The following CASZ1 variants were observed in gnomAD, a reference collection of about 807,000 sequenced individuals.
The protein encoded by CASZ1 is zinc finger protein castor homolog 1.
A neutral mutation model predicts 135.2 loss-of-function variants in CASZ1; 28 were observed. The observed-to-expected ratio is 0.21, with a 90% confidence interval of 0.15 to 0.28. The LOEUF is 0.28. CASZ1 is among the 10% of genes least tolerant of loss of function. The probability of loss-of-function intolerance (pLI) is 1.00; values close to 1 mark genes in which losing one functional copy is unlikely to be tolerated. For missense variants in CASZ1, 2,161 were observed against 2,453.3 expected (o/e 0.88, Z 2.52); for synonymous variants, 1,068 against 1,073.4 (o/e 0.99, Z 0.10).
chr1:10,674,497 A>G (rs1643500957), intron 4 of CASZ1, among the ~76,000 whole-genome samples: 1 of 152,204 alleles, frequency 6.6e-6, no homozygotes, highest in Non-Finnish European at 1.5e-5. Flanking sequence ...ACATAAGACA[A>G]ATCGACTCCA....
chr1:10,670,320 C>CCA (rs1643361268), intron 4 of CASZ1, among the ~76,000 whole-genome samples: 1 of 152,234 alleles, frequency 6.6e-6, no homozygotes, highest in Admixed American at 6.5e-5. Flanking sequence ...TGGTAGCTGC[C>CCA]CACAGTCAGT....
intron 1 of CASZ1, among the ~76,000 whole-genome samples, chr1:10,789,276 T>C (rs1640911958): frequency 6.9e-6 from 1 of 145,574 alleles, no homozygotes; most frequent in African/African-American, 2.6e-5. Flanking sequence ...ACCTGGGACA[T>C]CTTGGGGTCC....
Position 10,653,606 on chromosome 1 carries a change from G to A in CASZ1, c.2451C>T (p.Thr817=), listed in dbSNP as rs1273717302. Reference sequence around the variant, plus strand: ...ACGACACGGCACCCAGGAGGCTGGGGGTGCCCACAGGCAGGGAGGTGCTCC... The same window carrying A: ...ACGACACGGCACCCAGGAGGCTGGGAGTGCCCACAGGCAGGGAGGTGCTCC... ...GRGSTSLPVG[T]PSLLGAVSSG... The change falls in exon 11 of 21, where the codon ACC becomes ACT. Residue 817 remains threonine (T), a synonymous_variant. Coordinates refer to ENST00000377022, the MANE Select transcript of CASZ1 (RefSeq NM_001079843.3). 1 of 1,554,166 alleles carries A rather than the reference G, an allele frequency of 6.4e-7. No homozygotes were observed. Among genetic ancestry groups the A allele is most frequent in the South Asian group, 1.2e-5 (1 of 80,836 alleles).
chr1:10,771,806 T>C (rs985281181), intron 1 of CASZ1, among the ~76,000 whole-genome samples: 5 of 152,100 alleles, frequency 3.3e-5, no homozygotes, highest in African/African-American at 7.2e-5. Context: ...TGAAATAAAA[T>C]TGGGGATGCT....
intron 4 of CASZ1, among the ~76,000 whole-genome samples, chr1:10,680,142 G>A (rs564929571): frequency 1.2e-3 from 181 of 152,270 alleles, no homozygotes; most frequent in African/African-American, 4.2e-3. Context: ...AAGGTGGGGT[G>A]TCCTGGGCCT....
At chr1:10,656,192 C>T (rs1241314941) in intron 8 of CASZ1, among the ~76,000 whole-genome samples, 1 of 152,206 alleles carries the variant, frequency 6.6e-6, no homozygotes, top group African/African-American at 2.4e-5. Flanking sequence ...AGCCACCCCA[C>T]GCAGGCTGCC....
In CASZ1 at chr1:10,711,006, C is replaced by T. The variant is rs1046427806; in HGVS notation, c.-76-5462G>A. On this transcript the variant is annotated intron_variant, in intron 2 of 20. Coordinates refer to ENST00000377022, the MANE Select transcript of CASZ1 (RefSeq NM_001079843.3). This position sits in a 1 kb window ranked among gnomAD's most constrained non-coding sequence, Gnocchi z 4.4. ...ATTAGCCGGGTGTGGTGGTGCACGC[C>T]TGTAATCCCAGCTACTCGGGAGGCT... Among the ~76,000 whole-genome samples the T allele has an allele frequency of 3.9e-5, 6 of 152,158 alleles. No homozygotes were observed. Among genetic ancestry groups the T allele is most frequent in the African/African-American group, 1.4e-4 (6 of 41,452 alleles).
chr1:10,730,926 T>C (rs1020896531), intron 2 of CASZ1, among the ~76,000 whole-genome samples: 1 of 151,774 alleles, frequency 6.6e-6, no homozygotes, highest in Non-Finnish European at 1.5e-5. Context: ...GACAACATAG[T>C]GAAACCCCAT....
At chr1:10,654,936 A>C (rs1255642339) in intron 9 of CASZ1, among the ~76,000 whole-genome samples, 1 of 152,144 alleles carries the variant, frequency 6.6e-6, no homozygotes, top group East Asian at 1.9e-4. Context: ...CCTACCTCTA[A>C]AACCCTCAGT....
chr1:10,680,811 G>T (rs770845388), intron 4 of CASZ1, among the ~76,000 whole-genome samples: 2 of 152,250 alleles, frequency 1.3e-5, no homozygotes, highest in East Asian at 1.9e-4. Flanking sequence ...GAAAGCAGAC[G>T]CAGCCCCAGT....
At chr1:10,645,169 G>A in intron 17 of CASZ1, 81 bp from the exon 18 acceptor site, 1 of 1,236,844 alleles carries the variant, frequency 8.1e-7, no homozygotes, top group Non-Finnish European at 1.2e-6. Context: ...GGCTGTGGTG[G>A]GCCCTTGGCA....
At chr1:10,650,510 A>G in intron 13 of CASZ1, 182 bp downstream of exon 13, 1 of 577,488 alleles carries the variant, frequency 1.7e-6, no homozygotes, top group South Asian at 2.4e-5. Context: ...AGTTCATTAA[A>G]TTAATTTGTA....
chr1:10,729,070 G>T (rs1019112048), intron 2 of CASZ1, among the ~76,000 whole-genome samples: 1 of 151,958 alleles, frequency 6.6e-6, no homozygotes, highest in Non-Finnish European at 1.5e-5. Context: ...TGGGGGAGGC[G>T]GTTGGGAGGC....
In CASZ1 at chr1:10,728,821, C is replaced by A. The variant is rs532903738; in HGVS notation, c.-76-23277G>T. Among the ~76,000 whole-genome samples the A allele has an allele frequency of 5.0e-4, 76 of 151,968 alleles. 2 individuals are homozygous for A. In the South Asian group the frequency reaches 0.016, roughly 31 times the overall value. ...ATGGCTTTTTAATGGAGTGCCTGGC[C>A]GGCGCTTGAAGACTCAATAAAGAGT... On this transcript the variant is annotated intron_variant, in intron 2 of 20. Coordinates refer to ENST00000377022, the MANE Select transcript of CASZ1 (RefSeq NM_001079843.3).
In CASZ1 at chr1:10,638,846, G is replaced by A. The variant is rs1414949419; in HGVS notation, c.*96C>T. 3 of 969,750 alleles carry A rather than the reference G, an allele frequency of 3.1e-6. No individual in the cohort carries two copies. The highest frequency in any genetic ancestry group is 3.7e-6 in the Non-Finnish European group (3 of 816,502). The allele number at this position is 969,750 out of a possible 1,614,324, so 60.1% of individuals were successfully genotyped here. On this transcript the variant is annotated 3_prime_UTR_variant, in exon 21 of 21. Coordinates refer to ENST00000377022, the MANE Select transcript of CASZ1 (RefSeq NM_001079843.3). This position sits in a 1 kb window ranked among gnomAD's most constrained non-coding sequence, Gnocchi z 5.9. ...GGACTCGGGGTCCGGAAGCACCGGC[G>A]GGGCGCGGGGCTCTGCCCAGGGGCC...
chr1:10,685,013 T>G (rs1638541655), intron 4 of CASZ1, among the ~76,000 whole-genome samples: 1 of 152,232 alleles, frequency 6.6e-6, no homozygotes, highest in African/African-American at 2.4e-5. Context: ...CTGTCTTGCC[T>G]GAAACCCTTG....
At chr1:10,680,517 G>A (rs1335542029) in intron 4 of CASZ1, among the ~76,000 whole-genome samples, 1 of 152,208 alleles carries the variant, frequency 6.6e-6, no homozygotes, top group Non-Finnish European at 1.5e-5. Context: ...GATCCTGGGA[G>A]GATGGCTTTG....
In CASZ1 at chr1:10,637,413, G is replaced by C. The variant is rs1193185482; in HGVS notation, c.*1529C>G. 1 of 152,574 alleles carries C rather than the reference G, an allele frequency of 6.6e-6. No individual in the cohort carries two copies. Among genetic ancestry groups the C allele is most frequent in the Non-Finnish European group, 1.5e-5 (1 of 68,088 alleles). The allele number at this position is 152,574 out of a possible 1,614,324, so 9.5% of individuals were successfully genotyped here. A position where few individuals can be genotyped will look rare whatever the true frequency, so the allele number is the denominator to read the frequency against. On this transcript the variant is annotated 3_prime_UTR_variant, in exon 21 of 21. Coordinates refer to ENST00000377022, the MANE Select transcript of CASZ1 (RefSeq NM_001079843.3). ...TGGCTTTCTGGCTGTGGGCAGCTGA[G>C]AGGACAAAAGAAAGGAAGAAAAAAG...
At chr1:10,674,867 CTG>C (rs1264042534) in intron 4 of CASZ1, among the ~76,000 whole-genome samples, 1 of 152,238 alleles carries the variant, frequency 6.6e-6, no homozygotes, top group Non-Finnish European at 1.5e-5. Context: ...CAGGCCCAGT[CTG>C]GAGCTGACCA....
Sources: allele counts gnomAD v4.1 joint callset (sites outside exome capture counted in the v4.1 genomes callset), GRCh38; gene constraint gnomAD v4.1.1; non-coding constraint Gnocchi (gnomAD v3.1); transcripts MANE v1.5; gene names NCBI Gene and HGNC (gene_info 2026-07-23, HGNC 2026-07-21).